Variants in FHIT observed in about 807,000 individuals in gnomAD.
The protein encoded by FHIT is bis(5'-adenosyl)-triphosphatase.
Under a neutral mutation model 17.9 loss-of-function variants are expected in FHIT, and 19 were observed. The ratio of observed to expected loss-of-function variants is 1.06; its 90% CI spans 0.74 to 1.56. The LOEUF (loss-of-function observed/expected upper bound fraction) is 1.56, where lower values mean the gene tolerates loss of function less well. FHIT is among the 40% of genes most tolerant of loss of function. The pLI is 0.00. For missense variants in FHIT, 248 were observed against 189.2 expected (o/e 1.31, Z -1.82); for synonymous variants, 81 against 69.7 (o/e 1.16, Z -0.81).
At chr3:61,234,301 A>C (rs981825976) in intron 1 of FHIT, among the ~76,000 whole-genome samples, 6 of 152,208 alleles carry the variant, frequency 3.9e-5, no homozygotes, top group Non-Finnish European at 2.9e-5. Context: ...CTAAGAAAAA[A>C]TCATGAATGT....
rs538497013 is a variant in FHIT, at chr3:61,207,497, G to T, written c.-212-6832C>A. On this transcript the variant is annotated intron_variant, in intron 1 of 9. Transcript: ENST00000492590. The stretch of plus-strand genomic sequence containing the variant: ...TATTACTTATTGCCTCAATTTCAGA[G>T]CCTGTTATTGGTCTATTCAGAGATT... Among the ~76,000 whole-genome samples the T allele has an allele frequency of 4.3e-3, 651 of 152,176 alleles. 7 individuals are homozygous for T. Among genetic ancestry groups the T allele is most frequent in the African/African-American group, 0.015 (625 of 41,508 alleles).
chr3:60,973,182 TTTGATTTTC>T (rs942674907), intron 3 of FHIT, among the ~76,000 whole-genome samples: 1 of 152,234 alleles, frequency 6.6e-6, no homozygotes, highest in Non-Finnish European at 1.5e-5. Flanking sequence ...CCAAAGATGA[TTTGATTTTC>T]TTCTGGCAGG....
intron 4 of FHIT, among the ~76,000 whole-genome samples, chr3:60,743,092 G>A (rs1188125430): frequency 6.6e-6 from 1 of 152,176 alleles, no homozygotes; most frequent in Non-Finnish European, 1.5e-5. Flanking sequence ...GTGGCATTAG[G>A]ATTGCAAACC....
At chr3:60,567,709 T>C (rs2037191219) in intron 4 of FHIT, among the ~76,000 whole-genome samples, 1 of 152,176 alleles carries the variant, frequency 6.6e-6, no homozygotes, top group Admixed American at 6.5e-5. Flanking sequence ...TCTACCCATC[T>C]GACAAAGGGC....
intron 1 of FHIT, among the ~76,000 whole-genome samples, chr3:61,222,421 C>A (rs1377595403): frequency 6.6e-6 from 1 of 152,158 alleles, no homozygotes; most frequent in South Asian, 2.1e-4. Context: ...GAATGGCGGT[C>A]ACAAATGCCT....
At chr3:61,049,083 A>G (rs1335685670) in intron 2 of FHIT, among the ~76,000 whole-genome samples, 1 of 151,990 alleles carries the variant, frequency 6.6e-6, no homozygotes, top group East Asian at 1.9e-4. Context: ...TATGTAACAA[A>G]CCTGCACATT....
At chr3:60,744,280 AAAAC>A (rs2042311200) in intron 4 of FHIT, among the ~76,000 whole-genome samples, 1 of 149,902 alleles carries the variant, frequency 6.7e-6, no homozygotes, top group Admixed American at 6.6e-5. Context: ...AAAAAAAAAA[AAAAC>A]AGAAAGAAAA....
At chr3:61,076,571 G>C (rs1366575968) in intron 2 of FHIT, among the ~76,000 whole-genome samples, 1 of 152,136 alleles carries the variant, frequency 6.6e-6, no homozygotes, top group Non-Finnish European at 1.5e-5. Context: ...TATATGGGAA[G>C]TCTGTTGAAA....
At chr3:60,350,390 A>G (rs1296146997) in intron 5 of FHIT, among the ~76,000 whole-genome samples, 1 of 152,236 alleles carries the variant, frequency 6.6e-6, no homozygotes, top group East Asian at 1.9e-4. Flanking sequence ...GTAGAAGGGT[A>G]GAGCTCCAAA....
At chr3:60,350,866 T>A (rs564415870) in intron 5 of FHIT, among the ~76,000 whole-genome samples, 1 of 152,202 alleles carries the variant, frequency 6.6e-6, no homozygotes, top group Admixed American at 6.5e-5. Flanking sequence ...GCTATGATTA[T>A]GTTATGTAAA....
chr3:61,185,284 A>T (rs2038472357), intron 2 of FHIT, among the ~76,000 whole-genome samples: 1 of 152,168 alleles, frequency 6.6e-6, no homozygotes, highest in African/African-American at 2.4e-5. Context: ...AGCAGCAAAG[A>T]AGCTTCCCAG....
chr3:61,120,096 T>G (rs2036412704), intron 2 of FHIT, among the ~76,000 whole-genome samples: 1 of 152,176 alleles, frequency 6.6e-6, no homozygotes, highest in Admixed American at 6.5e-5. Flanking sequence ...GCTCAAAACT[T>G]GAATGACCTG....
At chr3:60,055,782 T>C (rs2106902490) in intron 5 of FHIT, among the ~76,000 whole-genome samples, 1 of 152,230 alleles carries the variant, frequency 6.6e-6, no homozygotes, top group African/African-American at 2.4e-5. Flanking sequence ...CAACTAGCAC[T>C]TAGAGGAACG....
chr3:60,374,975 G>C (rs1028673876), intron 5 of FHIT, among the ~76,000 whole-genome samples: 1 of 151,980 alleles, frequency 6.6e-6, no homozygotes, highest in Non-Finnish European at 1.5e-5. Context: ...GTCAGGGAAG[G>C]TTTCTGCAAT....
At chr3:60,407,067 A>ATTTTTTTTTTTTTT (rs34542104) in intron 5 of FHIT, among the ~76,000 whole-genome samples, 1 of 62,878 alleles carries the variant, frequency 1.6e-5, no homozygotes, top group African/African-American at 7.0e-5. Flanking sequence ...CCTGCCAATA[A>ATTTTTTTTTTTTTT]TTTTTTTTTT....
intron 3 of FHIT, among the ~76,000 whole-genome samples, chr3:61,014,248 G>A (rs576527847): frequency 6.6e-6 from 1 of 152,144 alleles, no homozygotes; most frequent in Admixed American, 6.5e-5. Context: ...ATGATTCTTC[G>A]GCTATGACTA....
At chr3:60,110,640 T>A (rs1033983305) in intron 5 of FHIT, among the ~76,000 whole-genome samples, 4 of 152,180 alleles carry the variant, frequency 2.6e-5, no homozygotes, top group African/African-American at 9.7e-5. Context: ...AAAACAGACA[T>A]ACTAACATGA....
chr3:60,889,798 T>G (rs1372282891), intron 3 of FHIT, among the ~76,000 whole-genome samples: 1 of 152,026 alleles, frequency 6.6e-6, no homozygotes, highest in Non-Finnish European at 1.5e-5. Flanking sequence ...AAGAGGCAAA[T>G]TGGGTTAATA....
intron 5 of FHIT, among the ~76,000 whole-genome samples, chr3:60,150,279 G>A (rs1484624332): frequency 6.6e-6 from 1 of 152,138 alleles, no homozygotes; most frequent in East Asian, 1.9e-4. Flanking sequence ...TTACAGGCAT[G>A]AGCCACTGTG....
Sources: gnomAD v4.1 joint callset for allele counts (sites outside exome capture counted in the v4.1 genomes callset) on GRCh38, gnomAD v4.1.1 for gene constraint, MANE v1.5 for transcripts, NCBI Gene and HGNC (gene_info 2026-07-23, HGNC 2026-07-21) for gene names.